ME3: variants seen among roughly 807,000 people sequenced by gnomAD.
The protein encoded by ME3 is NADP-dependent malic enzyme, mitochondrial.
Under a neutral mutation model 68.9 loss-of-function variants are expected in ME3, and 48 were observed. The ratio of observed to expected loss-of-function variants is 0.70; its 90% CI spans 0.55 to 0.89. ME3 has a LOEUF of 0.89. Among genes scored for constraint, ME3 ranks in the 40% least tolerant of loss-of-function variants. The probability of loss-of-function intolerance (pLI) is 0.00; values close to 1 mark genes in which losing one functional copy is unlikely to be tolerated. For missense variants in ME3, 675 were observed against 797.4 expected, an observed-to-expected ratio of 0.85 and a Z score of 1.85; for synonymous variants, 320 against 318.8, an observed-to-expected ratio of 1.00 and a Z score of -0.04.
At chr11:86,633,451 T>C (rs1342976269) in intron 2 of ME3, among the ~76,000 whole-genome samples, 1 of 152,142 alleles carries the variant, frequency 6.6e-6, no homozygotes, top group African/African-American at 2.4e-5. Context: ...GTAATGCTGG[T>C]TCTAGAGCCC....
intron 2 of ME3, among the ~76,000 whole-genome samples, chr11:86,576,549 C>T (rs1020605703): frequency 1.6e-4 from 25 of 152,210 alleles, no homozygotes. Context: ...AAGCTCAGGG[C>T]AGATCAGCTC....
At chr11:86,564,360 A>G (rs922789818) in intron 2 of ME3, among the ~76,000 whole-genome samples, 2 of 152,104 alleles carry the variant, frequency 1.3e-5, no homozygotes, top group South Asian at 2.1e-4. Flanking sequence ...TTGCAGAAAT[A>G]GAAAAGCCAG....
intron 6 of ME3, among the ~76,000 whole-genome samples, chr11:86,492,806 A>G (rs755725048): frequency 1.3e-5 from 2 of 152,234 alleles, no homozygotes; most frequent in Admixed American, 6.5e-5. Flanking sequence ...TTCACTGCCC[A>G]TATCAGTGAG....
chr11:86,644,447 G>A (rs1565260857), intron 2 of ME3, among the ~76,000 whole-genome samples: 1 of 152,132 alleles, frequency 6.6e-6, no homozygotes, highest in Admixed American at 6.5e-5. Flanking sequence ...CCAGGCCTGG[G>A]ACAATCTGAC....
chr11:86,558,851 C>T (rs1232574471), intron 3 of ME3, among the ~76,000 whole-genome samples: 1 of 152,172 alleles, frequency 6.6e-6, no homozygotes, highest in Non-Finnish European at 1.5e-5. Context: ...TGGTACTCAT[C>T]GTACCAATGG....
intron 2 of ME3, among the ~76,000 whole-genome samples, chr11:86,614,084 C>A (rs1321217882): frequency 1.3e-5 from 2 of 152,202 alleles, no homozygotes; most frequent in African/African-American, 4.8e-5. Flanking sequence ...TACAAGGCTA[C>A]AGCAACCAAA....
In ME3 at chr11:86,547,239, C is replaced by CAG. The variant is rs1555230013; in HGVS notation, c.467+9313_467+9314insCT. 7.6e-4 allele frequency among the ~76,000 whole-genome samples: 35 copies of CAG among 45,988 alleles called. No individual in the cohort carries two copies. The East Asian group carries it at 0.011, about 14-fold the overall frequency. The allele number at this position is 45,988 out of a possible 152,430, so 30.2% of individuals were successfully genotyped here. On this transcript the variant is annotated intron_variant, in intron 4 of 14. Coordinates refer to ENST00000543262, the Ensembl canonical transcript of ME3. ...TGGGCGACAGAGCAAGACTCCATCT[C>CAG]AAAAAAAAAAAAAAAAAAAAAGAAA...
At chr11:86,669,549 C>G (rs544934590) in intron 2 of ME3, among the ~76,000 whole-genome samples, 1 of 152,170 alleles carries the variant, frequency 6.6e-6, no homozygotes, top group Non-Finnish European at 1.5e-5. Context: ...GTGTCAGGCA[C>G]TTATAAAACC....
exon 2 of ME3, chr11:86,671,825 C>A (rs1237316287): frequency 6.2e-7 from 1 of 1,600,580 alleles, no homozygotes; most frequent in Non-Finnish European, 8.5e-7. Flanking sequence ...CAGGGCGCGC[C>A]GGGCCAGGCT....
chr11:86,658,801 A>G (rs1428065208), intron 2 of ME3, among the ~76,000 whole-genome samples: 1 of 152,142 alleles, frequency 6.6e-6, no homozygotes. Context: ...AGCTGCTGCC[A>G]GCTCTGGGAG....
At chr11:86,638,882 C>G (rs755121684) in intron 2 of ME3, among the ~76,000 whole-genome samples, 71 of 152,126 alleles carry the variant, frequency 4.7e-4, no homozygotes, top group Non-Finnish European at 7.5e-4. Context: ...ACTTTACTCC[C>G]CCGACTTGCC....
intron 4 of ME3, among the ~76,000 whole-genome samples, chr11:86,527,222 A>G (rs2061937079): frequency 6.6e-6 from 1 of 152,246 alleles, no homozygotes; most frequent in Admixed American, 6.5e-5. Flanking sequence ...ACGAATGCAC[A>G]AGCCTCAGTA....
At chr11:86,662,775 G>A (rs10898524) in intron 2 of ME3, among the ~76,000 whole-genome samples, 70,387 of 151,934 alleles carry the variant, frequency 0.46, 17,707 homozygotes, top group Non-Finnish European at 0.57. Context: ...CCTCCATAAC[G>A]TTACCAAAGA....
chr11:86,529,111 G>A lies in ME3; in HGVS notation c.468-20244C>T, dbSNP rs192683586. On this transcript the variant is annotated intron_variant, in intron 4 of 14. Transcript: ENST00000543262. ...TCAACAAAATTGATAGACTGCTAGCGAGACTAATAAAGAAGAAAAGAGAGA... is the reference window on the plus strand; with the variant it reads ...TCAACAAAATTGATAGACTGCTAGCAAGACTAATAAAGAAGAAAAGAGAGA... Among the ~76,000 whole-genome samples, 437 of 151,998 alleles carry A rather than the reference G, an allele frequency of 2.9e-3. 2 individuals carry two copies. Among genetic ancestry groups the A allele is most frequent in the Middle Eastern group, 0.014 (4 of 294 alleles).
At chr11:86,445,583 T>A (rs193163252) in intron 13 of ME3, among the ~76,000 whole-genome samples, 13 of 152,336 alleles carry the variant, frequency 8.5e-5, no homozygotes, top group Admixed American at 6.5e-4. Context: ...ACAGAGACAT[T>A]TCTATGCCTT....
chr11:86,624,569 A>T (rs1194043161), intron 2 of ME3, among the ~76,000 whole-genome samples: 1 of 152,254 alleles, frequency 6.6e-6, no homozygotes, highest in Non-Finnish European at 1.5e-5. Context: ...AACATCTGAG[A>T]TAACTGGTCA....
intron 2 of ME3, among the ~76,000 whole-genome samples, chr11:86,656,128 G>A (rs912578907): frequency 1.8e-4 from 24 of 136,996 alleles, no homozygotes; most frequent in African/African-American, 6.1e-4. Flanking sequence ...TGGAGAAATA[G>A]GAACACTTTT....
intron 2 of ME3, among the ~76,000 whole-genome samples, chr11:86,598,538 AAGAC>A (rs1959976189): frequency 6.6e-6 from 1 of 152,190 alleles, no homozygotes; most frequent in Non-Finnish European, 1.5e-5. Context: ...GACAAACAAA[AAGAC>A]AGCAGTAACC....
intron 2 of ME3, among the ~76,000 whole-genome samples, chr11:86,597,810 G>A (rs902202993): frequency 7.2e-5 from 11 of 151,940 alleles, no homozygotes; most frequent in African/African-American, 2.7e-4. Context: ...TACATTCTAG[G>A]GAGACATGAT....
Sources: gnomAD v4.1 joint callset for allele counts (sites outside exome capture counted in the v4.1 genomes callset) on GRCh38, gnomAD v4.1.1 for gene constraint, MANE v1.5 for transcripts, NCBI Gene and HGNC (gene_info 2026-07-23, HGNC 2026-07-21) for gene names.